The following KDR variants were observed in gnomAD, a reference collection of about 807,000 sequenced individuals.
The protein encoded by KDR is vascular endothelial growth factor receptor 2.
A neutral mutation model predicts 160.9 loss-of-function variants in KDR; 43 were observed. That is an observed-to-expected ratio of 0.27 (90% CI 0.21 to 0.34). KDR has a LOEUF of 0.34. Ranked by LOEUF, KDR falls within the 10% of genes least tolerant of loss-of-function variation. The pLI, the probability that KDR is intolerant of heterozygous loss-of-function variation, is 1.00. For missense variants in KDR, 1,469 were observed against 1,666.4 expected (o/e 0.88, Z 2.06); for synonymous variants, 617 against 600.1 (o/e 1.03, Z -0.41).
intron 22 of KDR, among the ~76,000 whole-genome samples, chr4:55,091,369 C>G (rs1385014700): frequency 6.6e-6 from 1 of 152,132 alleles, no homozygotes; most frequent in Non-Finnish European, 1.5e-5. Context: ...ACCCGACAAC[C>G]AAGTGGATTC....
At chr4:55,103,935 G>A (rs986876288) in intron 13 of KDR, among the ~76,000 whole-genome samples, 3 of 152,130 alleles carry the variant, frequency 2.0e-5, no homozygotes, top group East Asian at 1.9e-4. Context: ...CAAGGCATGA[G>A]GTTAGACAAG....
intron 4 of KDR, 100 bp downstream of exon 4, chr4:55,115,181 T>A (rs1720701944): frequency 7.9e-7 from 1 of 1,264,952 alleles, no homozygotes; most frequent in Non-Finnish European, 1.1e-6. Flanking sequence ...TCCTAAAGGA[T>A]CCTTAAAACT....
intron 21 of KDR, among the ~76,000 whole-genome samples, chr4:55,093,299 T>C (rs953451065): frequency 3.3e-5 from 5 of 152,214 alleles, no homozygotes; most frequent in Non-Finnish European, 1.5e-5. Flanking sequence ...CATGGAAAGA[T>C]AAATTTACGT....
intron 2 of KDR, 53 bp from the exon 3 acceptor site, chr4:55,118,853 T>C (rs1720797742): frequency 6.8e-7 from 1 of 1,466,662 alleles, no homozygotes; most frequent in African/African-American, 1.4e-5. Flanking sequence ...ACTGTGAGGC[T>C]ATTTCTAAGA....
intron 7 of KDR, among the ~76,000 whole-genome samples, chr4:55,111,349 C>T (rs1338535143): frequency 8.5e-5 from 13 of 152,320 alleles, no homozygotes; most frequent in African/African-American, 2.4e-4. Context: ...ACTGCCTTCT[C>T]GATCTTTGCC....
Position 55,114,173 on chromosome 4 carries a change from C to G in KDR, c.751G>C (p.Glu251Gln). The G allele has an allele frequency of 1.2e-6, 2 of 1,614,050 alleles. No individual in the cohort carries two copies. The highest frequency in any genetic ancestry group is 1.7e-6 in the Non-Finnish European group (2 of 1,179,932). Reference sequence around the variant, plus strand: ...TTGAAGTCAATCCCCACATTTAGTTCAGTTCTTGCTGTACAATTTAAGACA... The same window carrying G: ...TTGAAGTCAATCCCCACATTTAGTTGAGTTCTTGCTGTACAATTTAAGACA... The part of the protein sequence containing the change: ...KLVLNCTART[E>Q]LNVGIDFNWE... The change falls in exon 6 of 30, where the codon GAA becomes CAA. Residue 251 changes from glutamate to glutamine, a missense_variant. Physicochemically the swap from Glu to Gln is conservative, Grantham distance 29 (BLOSUM62 2). Around this residue, in one of 7 missense-constraint regions of KDR, gnomAD observed 792 missense variants for 840.9 expected, o/e 0.94. Transcript: ENST00000263923.
chr4:55,116,603 G>A (rs569785500), intron 3 of KDR, among the ~76,000 whole-genome samples: 1 of 152,068 alleles, frequency 6.6e-6, no homozygotes, highest in Non-Finnish European at 1.5e-5. Context: ...CATTCTCAGA[G>A]TGCTTCATAA....
intron 11 of KDR, 144 bp from the exon 12 acceptor site, chr4:55,106,084 A>G (rs1720439758): frequency 1.4e-6 from 1 of 734,392 alleles, no homozygotes. Flanking sequence ...AAATTTATGC[A>G]ATTGCAGGTT....
chr4:55,085,530 A>G (rs950268741), intron 27 of KDR, among the ~76,000 whole-genome samples: 1 of 152,244 alleles, frequency 6.6e-6, no homozygotes, highest in African/African-American at 2.4e-5. Context: ...CCAGAGAAAC[A>G]GAACCCCAGG....
chr4:55,110,791 AAAG>A, intron 7 of KDR, 23 bp from the exon 8 acceptor site: 2 of 1,578,100 alleles, frequency 1.3e-6, no homozygotes, highest in Non-Finnish European at 1.7e-6. Context: ...AAAAAAAAAA[AAAG>A]GTCAACTTAC....
chr4:55,109,968 C>T lies in KDR; in HGVS notation c.1255+435G>A, dbSNP rs138117964. Among the ~76,000 whole-genome samples the T allele has an allele frequency of 4.2e-3, 641 of 152,300 alleles. 3 individuals are homozygous for T. Among genetic ancestry groups the T allele is most frequent in the African/African-American group, 0.015 (610 of 41,562 alleles). On this transcript the variant is annotated intron_variant, in intron 9 of 29. Transcript: ENST00000263923. Reference sequence around the variant, plus strand: ...ACTTCAAAAGCCTTCAGAGTTGGAACGTGCCTGCACATCTCTGATACATCA... The same window carrying T: ...ACTTCAAAAGCCTTCAGAGTTGGAATGTGCCTGCACATCTCTGATACATCA...
chr4:55,082,573 A>G lies in KDR; in HGVS notation c.3725T>C (p.Ile1242Thr). 6.2e-7 allele frequency: 1 copy of G among 1,613,838 alleles called. No individual in the cohort carries two copies. Among genetic ancestry groups the G allele is most frequent in the Non-Finnish European group, 8.5e-7 (1 of 1,179,788 alleles). Residue 1242 changes from isoleucine to threonine, a missense_variant, in exon 28 of 30, where the codon ATC becomes ACC. Transcript: ENST00000263923. ...RPVSVKTFED[I>T]PLEEPEVKVI... ...TTTTACTTCTGGTTCTTCTAACGGG[A>G]TATCTTCAAATGTTTTTACACTCAC...
intron 3 of KDR, among the ~76,000 whole-genome samples, chr4:55,116,065 T>C (rs933619810): frequency 6.6e-6 from 1 of 152,194 alleles, no homozygotes; most frequent in East Asian, 1.9e-4. Context: ...TTAGCAGTCA[T>C]TGATATCTTC....
At chr4:55,089,080 C>T (rs933775483) in intron 25 of KDR, 107 bp from the exon 26 acceptor site, 35 of 812,156 alleles carry the variant, frequency 4.3e-5, no homozygotes, top group Non-Finnish European at 7.0e-5. Flanking sequence ...AGGTGAGATG[C>T]TAAATAAGGA....
chr4:55,107,151 T>C (rs139084296), intron 10 of KDR, among the ~76,000 whole-genome samples: 1 of 152,302 alleles, frequency 6.6e-6, no homozygotes, highest in East Asian at 1.9e-4. Context: ...TCTGGGACCA[T>C]GGTCTCTGTG....
chr4:55,120,403 G>C (rs1172839473), intron 2 of KDR, among the ~76,000 whole-genome samples: 1 of 152,086 alleles, frequency 6.6e-6, no homozygotes, highest in Admixed American at 6.5e-5. Context: ...TCGTCCTGGG[G>C]TAAGGGTTGA....
At chr4:55,098,849 C>G in intron 15 of KDR, 46 bp from the exon 16 acceptor site, 1 of 1,443,454 alleles carries the variant, frequency 6.9e-7, no homozygotes, top group Non-Finnish European at 9.7e-7. Context: ...GAAACTTATA[C>G]TTTTTGTTTG....
intron 7 of KDR, among the ~76,000 whole-genome samples, chr4:55,111,266 G>A (rs757100655): frequency 6.6e-6 from 1 of 152,158 alleles, no homozygotes; most frequent in Non-Finnish European, 1.5e-5. Context: ...GGGTTGATAT[G>A]TTAAATATCT....
chr4:55,097,591 T>TA (rs1285335417), intron 18 of KDR, 71 bp downstream of exon 18: 15 of 1,012,760 alleles, frequency 1.5e-5, no homozygotes, highest in Non-Finnish European at 2.2e-5. Context: ...AAGCTACTGA[T>TA]ACAAGCCTTG....
Sources: allele counts gnomAD v4.1 joint callset (sites outside exome capture counted in the v4.1 genomes callset), GRCh38; gene constraint gnomAD v4.1.1; regional missense constraint gnomAD v4.1.1; transcripts MANE v1.5; gene names NCBI Gene and HGNC (gene_info 2026-07-23, HGNC 2026-07-21).